CNTN5: variants seen among roughly 807,000 people sequenced by gnomAD.
The protein encoded by CNTN5 is contactin-5.
Under a neutral mutation model 129.1 loss-of-function variants are expected in CNTN5, and 77 were observed. The ratio of observed to expected loss-of-function variants is 0.60; its 90% CI spans 0.50 to 0.72. CNTN5 has a LOEUF of 0.72. Ranked by LOEUF, CNTN5 falls within the 30% of genes least tolerant of loss-of-function variation. CNTN5 has a pLI of 0.00. For synonymous variants in CNTN5, 509 were observed against 465.6 expected, an observed-to-expected ratio of 1.09 and a Z score of -1.20; for missense variants, 1,478 against 1,328.8, an observed-to-expected ratio of 1.11 and a Z score of -1.75.
At chr11:100,288,653 GC>G (rs1260786542) in intron 18 of CNTN5, among the ~76,000 whole-genome samples, 2 of 151,550 alleles carry the variant, frequency 1.3e-5, no homozygotes, top group Admixed American at 6.6e-5. Context: ...ACAAGAGAAA[GC>G]AGGAAAGATC....
chr11:100,159,225 G>GTGTAGGGTTGTGATCA (rs1947358094), intron 13 of CNTN5, among the ~76,000 whole-genome samples: 1 of 151,796 alleles, frequency 6.6e-6, no homozygotes, highest in Non-Finnish European at 1.5e-5. Flanking sequence ...TTAAAATGGT[G>GTGTAGGGTTGTGATCA]TGTAGGGTTG....
intron 2 of CNTN5, among the ~76,000 whole-genome samples, chr11:99,358,974 A>G (rs961711517): frequency 3.3e-5 from 5 of 152,214 alleles, no homozygotes; most frequent in Non-Finnish European, 7.3e-5. Flanking sequence ...AATAAGTTCT[A>G]AGTGGAAAAT....
At chr11:99,365,813 C>T (rs995970661) in intron 2 of CNTN5, among the ~76,000 whole-genome samples, 2 of 152,084 alleles carry the variant, frequency 1.3e-5, no homozygotes, top group Non-Finnish European at 2.9e-5. Context: ...CACAGCTCAT[C>T]AAACATAGTA....
At chr11:99,689,702 A>T (rs866162648) in intron 3 of CNTN5, among the ~76,000 whole-genome samples, 1 of 151,476 alleles carries the variant, frequency 6.6e-6, no homozygotes. Context: ...TTTTTTTCAT[A>T]TATTTCCTGG....
intron 7 of CNTN5, among the ~76,000 whole-genome samples, chr11:99,942,156 T>G (rs1950453314): frequency 6.6e-6 from 1 of 152,050 alleles, no homozygotes; most frequent in South Asian, 2.1e-4. Context: ...TAAAATTAAA[T>G]TAATTTAAAT....
chr11:100,347,180 G>A lies in CNTN5; in HGVS notation c.3031-3522G>A, dbSNP rs547486094. On this transcript the variant is annotated intron_variant, in intron 23 of 24. Coordinates refer to ENST00000524871, the MANE Select transcript of CNTN5 (RefSeq NM_014361.4). ...TTTATGCAACTTAGATATCAGTTGA[G>A]ATTCCAGATTCCTGAGATATATGTA... Among the ~76,000 whole-genome samples the A allele has an allele frequency of 5.3e-5, 8 of 152,216 alleles. No individual in the cohort carries two copies. In the East Asian group the frequency reaches 7.7e-4, roughly 15 times the overall value.
At chr11:99,110,375 C>T (rs756823965) in intron 1 of CNTN5, among the ~76,000 whole-genome samples, 1 of 152,020 alleles carries the variant, frequency 6.6e-6, no homozygotes, top group African/African-American at 2.4e-5. Flanking sequence ...TGGAATATCT[C>T]GCTTTTTCAA....
intron 2 of CNTN5, among the ~76,000 whole-genome samples, chr11:99,424,579 G>T (rs1488194313): frequency 6.6e-6 from 1 of 152,240 alleles, no homozygotes; most frequent in Admixed American, 6.5e-5. Context: ...GCTGCAGCTG[G>T]GCCAGACGTA....
chr11:99,906,080 A>G (rs951305777), intron 6 of CNTN5, among the ~76,000 whole-genome samples: 27 of 152,238 alleles, frequency 1.8e-4, no homozygotes, highest in African/African-American at 6.3e-4. Context: ...GTCTCCTGCA[A>G]ACAGAGACAA....
At chr11:99,046,685 A>G (rs979956814) in intron 1 of CNTN5, among the ~76,000 whole-genome samples, 4 of 152,128 alleles carry the variant, frequency 2.6e-5, no homozygotes, top group Non-Finnish European at 5.9e-5. Flanking sequence ...AATTCAAGAA[A>G]ATATCTTACA....
At chr11:99,879,364 C>G (rs1244638163) in intron 6 of CNTN5, among the ~76,000 whole-genome samples, 1 of 152,152 alleles carries the variant, frequency 6.6e-6, no homozygotes, top group Admixed American at 6.5e-5. Flanking sequence ...CTTCTCTTCC[C>G]TGTCATTATA....
chr11:99,291,210 C>T (rs1864157264), intron 1 of CNTN5, among the ~76,000 whole-genome samples: 1 of 151,864 alleles, frequency 6.6e-6, no homozygotes, highest in South Asian at 2.1e-4. Context: ...AAATACACTG[C>T]ACAGATTAAT....
intron 3 of CNTN5, among the ~76,000 whole-genome samples, chr11:99,817,089 C>A (rs1311686009): frequency 1.3e-5 from 2 of 152,180 alleles, no homozygotes; most frequent in African/African-American, 4.8e-5. Flanking sequence ...TCACATGATA[C>A]TAACATTGTA....
chr11:99,755,305 C>T (rs1369276278), intron 3 of CNTN5, among the ~76,000 whole-genome samples: 1 of 152,152 alleles, frequency 6.6e-6, no homozygotes, highest in Non-Finnish European at 1.5e-5. Flanking sequence ...GACAGACTGT[C>T]TTCCAAAGTG....
At chr11:100,066,833 C>CA (rs34290071) in intron 10 of CNTN5, among the ~76,000 whole-genome samples, 48,742 of 124,728 alleles carry the variant, frequency 0.39, 9,163 homozygotes, top group Middle Eastern at 0.54. Context: ...AGTCCTCTGC[C>CA]AAAAAAAAAA....
chr11:100,335,243 A>G lies in CNTN5; in HGVS notation c.2731-5220A>G, dbSNP rs536221310. Among the ~76,000 whole-genome samples, 4 of 152,286 alleles carry G rather than the reference A, an allele frequency of 2.6e-5. No individual in the cohort carries two copies. The South Asian group carries it at 8.3e-4, about 32-fold the overall frequency. On this transcript the variant is annotated intron_variant, in intron 21 of 24. Transcript: ENST00000524871. The stretch of plus-strand genomic sequence containing the variant: ...AAGAACTACTCAATGGTTTTATATG[A>G]CTGAATGAAAATGTAAAAGTAGGGG...
intron 2 of CNTN5, among the ~76,000 whole-genome samples, chr11:99,399,939 T>C (rs1190354682): frequency 6.6e-6 from 1 of 152,078 alleles, no homozygotes; most frequent in Non-Finnish European, 1.5e-5. Context: ...CAATGTGTAA[T>C]AATCACATCA....
intron 6 of CNTN5, among the ~76,000 whole-genome samples, chr11:99,866,406 C>G (rs1161169734): frequency 6.6e-6 from 1 of 151,986 alleles, no homozygotes; most frequent in Non-Finnish European, 1.5e-5. Context: ...TTATTAGATA[C>G]TTATATATTT....
intron 1 of CNTN5, among the ~76,000 whole-genome samples, chr11:99,089,146 C>A (rs1053583249): frequency 6.6e-6 from 1 of 151,756 alleles, no homozygotes; most frequent in African/African-American, 2.4e-5. Context: ...ATACTGTATT[C>A]AACATAGCAG....
Sources: gnomAD v4.1 joint callset for allele counts (sites outside exome capture counted in the v4.1 genomes callset) on GRCh38, gnomAD v4.1.1 for gene constraint, MANE v1.5 for transcripts, NCBI Gene and HGNC (gene_info 2026-07-23, HGNC 2026-07-21) for gene names.